The following ENAH variants were observed in gnomAD, a reference collection of about 807,000 sequenced individuals.
ENAH encodes protein enabled homolog.
Under a neutral mutation model 78.7 loss-of-function variants are expected in ENAH, and 23 were observed. The ratio of observed to expected loss-of-function variants is 0.29; its 90% CI spans 0.21 to 0.41. The LOEUF (loss-of-function observed/expected upper bound fraction) is 0.41, where lower values mean the gene tolerates loss of function less well. ENAH is among the 10% of genes least tolerant of loss of function. The pLI is 1.00. For missense variants in ENAH, 544 were observed against 691.0 expected, an observed-to-expected ratio of 0.79 and a Z score of 2.39; for synonymous variants, 226 against 241.0, an observed-to-expected ratio of 0.94 and a Z score of 0.58.
chr1:225,577,818 G>C (rs1018146578), intron 1 of ENAH, among the ~76,000 whole-genome samples: 1 of 152,176 alleles, frequency 6.6e-6, no homozygotes, highest in Non-Finnish European at 1.5e-5. Flanking sequence ...AAATACAATA[G>C]TATGTAGAAA....
At chr1:225,515,049 G>A in intron 6 of ENAH, 149 bp from the exon 7 acceptor site, 1 of 729,578 alleles carries the variant, frequency 1.4e-6, no homozygotes, top group East Asian at 2.7e-5. Flanking sequence ...TAAAAGTCTA[G>A]ATCAGTTTTT....
chr1:225,585,460 C>T (rs1180913499), intron 1 of ENAH, among the ~76,000 whole-genome samples: 4 of 151,958 alleles, frequency 2.6e-5, no homozygotes, highest in Non-Finnish European at 5.9e-5. Flanking sequence ...TCTATAATCA[C>T]CAAGATAGAT....
At chr1:225,646,042 T>C (rs1350401507) in intron 1 of ENAH, among the ~76,000 whole-genome samples, 1 of 152,168 alleles carries the variant, frequency 6.6e-6, no homozygotes, top group Admixed American at 6.5e-5. Flanking sequence ...ATATCTTGTA[T>C]AAATCAATCA....
chr1:225,543,204 C>G (rs905641588), intron 3 of ENAH, among the ~76,000 whole-genome samples: 1 of 152,154 alleles, frequency 6.6e-6, no homozygotes, highest in Admixed American at 6.5e-5. Context: ...CCATATCATT[C>G]ATCCAGTCTT....
intron 1 of ENAH, among the ~76,000 whole-genome samples, chr1:225,579,924 CTTTA>C (rs1440389768): frequency 1.3e-5 from 2 of 152,040 alleles, no homozygotes; most frequent in Non-Finnish European, 2.9e-5. Context: ...TGTTATGTTC[CTTTA>C]TTTGAGATGC....
At chr1:225,525,104 A>G (rs2096494210) in intron 4 of ENAH, among the ~76,000 whole-genome samples, 1 of 152,204 alleles carries the variant, frequency 6.6e-6, no homozygotes, top group South Asian at 2.1e-4. Context: ...ATTATTTTCA[A>G]TACTCTGGTA....
intron 4 of ENAH, among the ~76,000 whole-genome samples, chr1:225,524,326 T>C (rs1053991880): frequency 2.0e-5 from 3 of 152,222 alleles, no homozygotes; most frequent in Non-Finnish European, 4.4e-5. Context: ...CAGCTTTACC[T>C]ATAATGAATA....
intron 1 of ENAH, among the ~76,000 whole-genome samples, chr1:225,622,137 GA>G (rs1290150789): frequency 1.3e-5 from 2 of 152,268 alleles, no homozygotes; most frequent in South Asian, 4.1e-4. Context: ...TATGTTCATT[GA>G]AAAAGAACAC....
At chr1:225,632,562 A>G (rs1183777571) in intron 1 of ENAH, among the ~76,000 whole-genome samples, 2 of 152,216 alleles carry the variant, frequency 1.3e-5, no homozygotes, top group Admixed American at 1.3e-4. Context: ...AACTTCATGA[A>G]TAATTGCTCT....
At chr1:225,529,897 G>A (rs532175586) in intron 4 of ENAH, among the ~76,000 whole-genome samples, 17 of 152,324 alleles carry the variant, frequency 1.1e-4, no homozygotes, top group Non-Finnish European at 2.1e-4. Context: ...GGATGGAATG[G>A]CATTTACCAC....
intron 1 of ENAH, chr1:225,581,199 A>C: frequency 1.2e-6 from 1 of 832,878 alleles, no homozygotes. Context: ...TATCTTAATA[A>C]ATTCTCCCAT....
chr1:225,599,872 G>T (rs889167207), intron 1 of ENAH, among the ~76,000 whole-genome samples: 2 of 151,830 alleles, frequency 1.3e-5, no homozygotes, highest in African/African-American at 4.8e-5. Flanking sequence ...CTGGATCATG[G>T]GGGAGGAGGA....
chr1:225,606,465 A>G (rs1373528263), intron 1 of ENAH, among the ~76,000 whole-genome samples: 1 of 151,940 alleles, frequency 6.6e-6, no homozygotes, highest in African/African-American at 2.4e-5. Flanking sequence ...CATCTCAAAA[A>G]AAAAAAAAAA....
At chr1:225,567,215 A>C (rs2096739339) in intron 2 of ENAH, 34 bp downstream of exon 2, 2 of 1,599,982 alleles carry the variant, frequency 1.3e-6, no homozygotes, top group Non-Finnish European at 1.7e-6. Context: ...GTAATACTAA[A>C]TCATTTTTAA....
chr1:225,519,176 G>A lies in ENAH; in HGVS notation c.802+22C>T, dbSNP rs772252020. ...ATCCAAGCTCAGATACAAGAACACA[G>A]AAGAGTTTGTAAACTTCTTACCAGC... On this transcript the variant is annotated intron_variant, in intron 5 of 13. Coordinates refer to ENST00000366843, the MANE Select transcript of ENAH (RefSeq NM_018212.6). The A allele has an allele frequency of 1.2e-5, 19 of 1,609,350 alleles. No homozygotes were observed. In the African/African-American group the frequency reaches 2.4e-4, roughly 20 times the overall value.
Position 225,490,180 on chromosome 1 carries a change from C to T in ENAH, c.*7595G>A, listed in dbSNP as rs2096215959. 1 of 152,152 alleles carries T rather than the reference C, an allele frequency of 6.6e-6. No individual in the cohort carries two copies. Among genetic ancestry groups the T allele is most frequent in the Non-Finnish European group, 1.5e-5 (1 of 68,070 alleles). The allele number at this position is 152,152 out of a possible 1,614,324, so 9.4% of individuals were successfully genotyped here. A position where few individuals can be genotyped will look rare whatever the true frequency, so the allele number is the denominator to read the frequency against. On this transcript the variant is annotated 3_prime_UTR_variant, in exon 14 of 14. Coordinates refer to ENST00000366843, the MANE Select transcript of ENAH (RefSeq NM_018212.6). ...ACAAAAAAGGACAGACTGAGAGAGA[C>T]TGAGGGCGGGAGGAACACAGAGAAA... is the stretch of plus-strand genomic sequence containing the variant.
intron 1 of ENAH, among the ~76,000 whole-genome samples, chr1:225,602,759 T>C (rs1039717828): frequency 6.6e-5 from 10 of 152,074 alleles, no homozygotes; most frequent in African/African-American, 1.9e-4. Flanking sequence ...GTGTAACATT[T>C]GAAAAGAAAG....
At chr1:225,604,087 C>T (rs1270655998) in intron 1 of ENAH, among the ~76,000 whole-genome samples, 1 of 152,098 alleles carries the variant, frequency 6.6e-6, no homozygotes, top group Non-Finnish European at 1.5e-5. Context: ...GCATGTATGC[C>T]AAAGAATCTT....
chr1:225,603,064 C>T (rs2096938559), intron 1 of ENAH, among the ~76,000 whole-genome samples: 1 of 151,132 alleles, frequency 6.6e-6, no homozygotes, highest in Non-Finnish European at 1.5e-5. Context: ...AAAACAAATA[C>T]CCAAATAGAA....
Sources: gnomAD v4.1 joint callset for allele counts (sites outside exome capture counted in the v4.1 genomes callset) on GRCh38, gnomAD v4.1.1 for gene constraint, MANE v1.5 for transcripts, NCBI Gene and HGNC (gene_info 2026-07-23, HGNC 2026-07-21) for gene names.